Variants in CDH16 observed in about 807,000 individuals in gnomAD.
The protein encoded by CDH16 is cadherin-16.
Under a neutral mutation model 87.6 loss-of-function variants are expected in CDH16, and 79 were observed. The observed-to-expected ratio is 0.90, with a 90% CI of 0.75 to 1.09. The LOEUF (loss-of-function observed/expected upper bound fraction) is 1.09. Among genes scored for constraint, CDH16 ranks in the 50% least tolerant of loss-of-function variants. The pLI, the probability that CDH16 is intolerant of heterozygous loss-of-function variation, is 0.00. For missense variants in CDH16, 1,124 were observed against 1,071.7 expected (o/e 1.05, Z -0.68); for synonymous variants, 457 against 439.5 (o/e 1.04, Z -0.50).
chr16:66,918,547 C>A (rs1411072969), intron 1 of CDH16, among the ~76,000 whole-genome samples: 1 of 152,220 alleles, frequency 6.6e-6, no homozygotes, highest in African/African-American at 2.4e-5. Context: ...TAGCTCAGGG[C>A]CTCTGGGACT....
Position 66,916,318 on chromosome 16 carries a change from T to A in CDH16, c.241A>T (p.Thr81Ser). 2 of 1,614,090 alleles carry A rather than the reference T, an allele frequency of 1.2e-6. No homozygotes were observed. The highest frequency in any genetic ancestry group is 1.7e-6 in the Non-Finnish European group (2 of 1,179,948). The change falls in exon 4 of 18, where the codon ACC becomes TCC. Residue 81 changes from threonine (T) to serine (S), a missense_variant. Coordinates refer to ENST00000299752, the MANE Select transcript of CDH16 (RefSeq NM_004062.4). The surrounding 1 kb of genome is among the most constrained non-coding windows in gnomAD (Gnocchi z 4.1). Reference protein sequence around the residue: ...MDPDSGFLLVTRALDREEQAE... With the variant: ...MDPDSGFLLVSRALDREEQAE... ...TGCTCCTCTCGGTCCAGGGCCCTGGTCACCAGCAGGAAGCCAGAATCTGGA... is the reference window on the plus strand; with the variant it reads ...TGCTCCTCTCGGTCCAGGGCCCTGGACACCAGCAGGAAGCCAGAATCTGGA...
In CDH16 at chr16:66,912,643, G is replaced by T. The variant is rs1962482524; in HGVS notation, c.1282+21C>A. The stretch of plus-strand genomic sequence containing the variant: ...GGAACAGAGGGGACAGGGGGCCTGG[G>T]TCACCAATCAGGGCACTTACCACCC... On this transcript the variant is annotated intron_variant, in intron 10 of 17. Coordinates refer to ENST00000299752, the MANE Select transcript of CDH16 (RefSeq NM_004062.4). 6 of 1,613,982 alleles carry T rather than the reference G, an allele frequency of 3.7e-6. No homozygotes were observed. In the East Asian group the frequency reaches 8.9e-5, roughly 24 times the overall value.
In CDH16 at chr16:66,912,232, A is replaced by C. The variant is rs1181115811; in HGVS notation, c.1548+10T>G. 4 of 1,602,978 alleles carry C rather than the reference A, an allele frequency of 2.5e-6. No individual in the cohort carries two copies. Among genetic ancestry groups the C allele is most frequent in the African/African-American group, 1.3e-5 (1 of 74,710 alleles). On this transcript the variant is annotated intron_variant, in intron 12 of 17. Coordinates refer to ENST00000299752, the MANE Select transcript of CDH16 (RefSeq NM_004062.4). ...GTGTGGGCCCCTTTCCCAGCTACCC[A>C]GGCCCTCACCTTGCAGAGTCTGAGT...
chr16:66,911,264 G>C lies in CDH16; in HGVS notation c.1842C>G (p.Ser614=). ...GGGACTGGGCGGTGTGCACCTCCCC[G>C]GAGAATTTCTCAATGCAGAGCCAGC... is the stretch of plus-strand genomic sequence containing the variant. ...SEGWLCIEKF[S]GEVHTAQSLQ... Residue 614 remains serine, a synonymous_variant, in exon 14 of 18, where the codon TCC becomes TCG. Transcript: ENST00000299752. 1 of 1,613,484 alleles carries C rather than the reference G, an allele frequency of 6.2e-7. No homozygotes were observed. The highest frequency in any genetic ancestry group is 8.5e-7 in the Non-Finnish European group (1 of 1,179,744).
In CDH16 at chr16:66,911,297, G is replaced by A; in HGVS notation, c.1809C>T (p.Asp603=). ...TCTCAATGCAGAGCCAGCCCTCTGAGTCATTGACTAGGGAGAACCTGCCGC... is the reference window on the plus strand; with the variant it reads ...TCTCAATGCAGAGCCAGCCCTCTGAATCATTGACTAGGGAGAACCTGCCGC... The part of the protein sequence containing the change: ...SRTLRFSLVN[D]SEGWLCIEKF... The change falls in exon 14 of 18, where the codon GAC becomes GAT. Residue 603 remains aspartate (D), a synonymous_variant. Transcript: ENST00000299752. The A allele has an allele frequency of 6.2e-7, 1 of 1,613,512 alleles. No individual in the cohort carries two copies. Among genetic ancestry groups the A allele is most frequent in the Non-Finnish European group, 8.5e-7 (1 of 1,179,744 alleles).
chr16:66,911,823 C>T, intron 13 of CDH16, 76 bp downstream of exon 13: 2 of 1,475,076 alleles, frequency 1.4e-6, no homozygotes, highest in Non-Finnish European at 1.8e-6. Flanking sequence ...AATGTGAGTC[C>T]CCTCTGAGGC....
At chr16:66,917,806 G>A (rs1352157318) in intron 2 of CDH16, 81 bp from the exon 3 acceptor site, 40 of 1,288,184 alleles carry the variant, frequency 3.1e-5, no homozygotes, top group Admixed American at 1.5e-4. Flanking sequence ...CGGAATTTCC[G>A]CCCCTTCCCA....
rs1180560562 is a variant in CDH16, at chr16:66,908,169, G to T, written c.*223C>A. ...CCAGTTCTCTGGGGCTTTATTATTG[G>T]GCAAACACCCTGACATTTGGAGCAC... On this transcript the variant is annotated 3_prime_UTR_variant, in exon 18 of 18. Coordinates refer to ENST00000299752, the MANE Select transcript of CDH16 (RefSeq NM_004062.4). 7.0e-6 allele frequency: 4 copies of T among 571,120 alleles called. No homozygotes were observed. Among genetic ancestry groups the T allele is most frequent in the Non-Finnish European group, 1.3e-5 (4 of 319,552 alleles). 35.4% of individuals were successfully genotyped at this position (571,120 alleles called of 1,614,324 possible). A position where few individuals can be genotyped will look rare whatever the true frequency, so the allele number is the denominator to read the frequency against.
rs778175613 is a variant in CDH16, at chr16:66,912,284, A to G, written c.1506T>C (p.Asp502=). ...TAACATGCCCAGAGTCTGGCTCCCA[A>G]TCCAGGCCAAAAGTCCCTTCTGTGT... is the stretch of plus-strand genomic sequence containing the variant. ...RGDTEGTFGL[D]WEPDSGHVRL... is the part of the protein sequence containing the mutation. The change falls in exon 12 of 18, where the codon GAT becomes GAC. Residue 502 remains aspartate (D), a synonymous_variant. Coordinates refer to ENST00000299752, the MANE Select transcript of CDH16 (RefSeq NM_004062.4). 1 of 1,613,716 alleles carries G rather than the reference A, an allele frequency of 6.2e-7. No individual in the cohort carries two copies. Among genetic ancestry groups the G allele is most frequent in the Non-Finnish European group, 8.5e-7 (1 of 1,179,760 alleles).
rs778663071 is a variant in CDH16 at position 66,916,088 on chromosome 16, C to T, written c.401G>A (p.Arg134Gln). Residue 134 changes from arginine (R) to glutamine (Q), a missense_variant, in exon 5 of 18, where the codon CGG becomes CAG. Transcript: ENST00000299752. This position sits in a 1 kb window ranked among gnomAD's most constrained non-coding sequence, Gnocchi z 4.1. Reference sequence around the variant, plus strand: ...ACCAGGCCTGGTACCCCGGCTCAGCCGAGCTCTGTAGATGGCTTGAGAGAA... The same window carrying T: ...ACCAGGCCTGGTACCCCGGCTCAGCTGAGCTCTGTAGATGGCTTGAGAGAA... ...PHFSQAIYRA[R>Q]LSRGTRPGIP... The T allele has an allele frequency of 2.7e-5, 44 of 1,614,090 alleles. No individual in the cohort carries two copies. The highest frequency in any genetic ancestry group is 8.9e-5 in the East Asian group (4 of 44,894).
rs1035883027 is a variant in CDH16, at chr16:66,911,409, C to T, written c.1791-94G>A. 79 of 1,319,180 alleles carry T rather than the reference C, an allele frequency of 6.0e-5. 2 individuals are homozygous for T. In the South Asian group the frequency reaches 9.7e-4, roughly 16 times the overall value. The allele number at this position is 1,319,180 out of a possible 1,614,324, so 81.7% of individuals were successfully genotyped here. A position where few individuals can be genotyped will look rare whatever the true frequency, so the allele number is the denominator to read the frequency against. On this transcript the variant is annotated intron_variant, in intron 13 of 17. Coordinates refer to ENST00000299752, the MANE Select transcript of CDH16 (RefSeq NM_004062.4). ...GGCTGTGTGACTTGCTTAAATTCCA[C>T]ACCCTCTCTGTGACTCAGGGGCCAC...
In CDH16 at chr16:66,909,496, T is replaced by C; in HGVS notation, c.2276-113A>G. The C allele has an allele frequency of 5.6e-6, 4 of 708,316 alleles. No homozygotes were observed. Among genetic ancestry groups the C allele is most frequent in the East Asian group, 5.4e-5 (2 of 36,918 alleles). 43.9% of individuals were successfully genotyped at this position (708,316 alleles called of 1,614,324 possible). ...GTGTGTGTTTCTGCACATGTGTGTA[T>C]TCACATGTGTGTGAAGATATATGCG... On this transcript the variant is annotated intron_variant, in intron 16 of 17. Coordinates refer to ENST00000299752, the MANE Select transcript of CDH16 (RefSeq NM_004062.4). The surrounding 1 kb of genome is among the most constrained non-coding windows in gnomAD (Gnocchi z 4.1).
At chr16:66,910,156 C>G (rs1444745668) in intron 15 of CDH16, 63 bp from the exon 16 acceptor site, 1 of 1,561,488 alleles carries the variant, frequency 6.4e-7, no homozygotes, top group South Asian at 1.2e-5. Context: ...GGGGCTGCTC[C>G]CCCTAGGCCT....
rs1301953509 is a variant in CDH16 at position 66,913,230 on chromosome 16, G to A, written c.955C>T (p.Pro319Ser). Residue 319 changes from proline (P) to serine (S), a missense_variant, in exon 9 of 18, where the codon CCT (proline) becomes TCT (serine). By Grantham distance (74) the Pro-to-Ser change is moderately conservative (BLOSUM62 -1). Coordinates refer to ENST00000299752, the MANE Select transcript of CDH16 (RefSeq NM_004062.4). Reference sequence around the variant, plus strand: ...ATCACCAGCACGTGCAGCTCCAGAGGGGCCGCATAGTCCTCGCCATGGGAA... The same window carrying A: ...ATCACCAGCACGTGCAGCTCCAGAGAGGCCGCATAGTCCTCGCCATGGGAA... ...QNSHGEDYAA[P>S]LELHVLVMDE... 6.3e-7 allele frequency: 1 copy of A among 1,586,502 alleles called. No homozygotes were observed. Among genetic ancestry groups the A allele is most frequent in the Non-Finnish European group, 8.6e-7 (1 of 1,166,818 alleles).
At position 66,912,532 on chromosome 16, in the gene CDH16, T is replaced by A; in HGVS notation, c.1331A>T (p.Asp444Val). 6.2e-7 allele frequency: 1 copy of A among 1,614,164 alleles called. No individual in the cohort carries two copies. Among genetic ancestry groups the A allele is most frequent in the Non-Finnish European group, 8.5e-7 (1 of 1,180,020 alleles). ...EVEVAVTDIN[D>V]HAPEFITSQI... ...GGAAGTGATGAACTCAGGGGCGTGA[T>A]CATTGATATCTGTGACTGCGACTTC... Residue 444 changes from aspartate (D) to valine (V), a missense_variant, in exon 11 of 18, where the codon GAT becomes GTT. Physicochemically the swap from Asp to Val is radical, Grantham distance 152. Coordinates refer to ENST00000299752, the MANE Select transcript of CDH16 (RefSeq NM_004062.4).
rs1236798600 is a variant in CDH16, at chr16:66,912,067, G to A, written c.1622C>T (p.Pro541Leu). 1.2e-6 allele frequency: 2 copies of A among 1,614,044 alleles called. No homozygotes were observed. Among genetic ancestry groups the A allele is most frequent in the Non-Finnish European group, 1.7e-6 (2 of 1,180,002 alleles). The change falls in exon 13 of 18, where the codon CCA (proline) becomes CTA (leucine). Residue 541 changes from proline (P) to leucine (L), a missense_variant. Pro to Leu is a moderately conservative substitution (Grantham distance 98). Transcript: ENST00000299752. The part of the protein sequence containing the change: ...VVQSVAKLVG[P>L]GPGPGATATV... Reference sequence around the variant, plus strand: ...GGCGGTGGCTCCAGGGCCTGGGCCTGGCCCCACCAGCTTCGCCACACTCTG... The same window carrying A: ...GGCGGTGGCTCCAGGGCCTGGGCCTAGCCCCACCAGCTTCGCCACACTCTG...
At chr16:66,914,096 G>A (rs1962564655) in intron 7 of CDH16, 120 bp downstream of exon 7, 1 of 815,994 alleles carries the variant, frequency 1.2e-6, no homozygotes, top group Non-Finnish European at 2.0e-6. Flanking sequence ...GTAATGGGAA[G>A]AGTGGAGGGA....
intron 7 of CDH16, 102 bp downstream of exon 7, chr16:66,914,114 G>A (rs530200967): frequency 1.4e-5 from 14 of 972,248 alleles, no homozygotes; most frequent in African/African-American, 4.8e-5. Context: ...GGAGGAGCAC[G>A]GGTCATGAGG....
intron 10 of CDH16, 26 bp downstream of exon 10, chr16:66,912,638 C>A: frequency 6.2e-7 from 1 of 1,613,876 alleles, no homozygotes; most frequent in Non-Finnish European, 8.5e-7. Flanking sequence ...GGACAGGGGG[C>A]CTGGGTCACC....
Sources: allele counts gnomAD v4.1 joint callset (sites outside exome capture counted in the v4.1 genomes callset), GRCh38; gene constraint gnomAD v4.1.1; non-coding constraint Gnocchi (gnomAD v3.1); transcripts MANE v1.5; gene names NCBI Gene and HGNC (gene_info 2026-07-23, HGNC 2026-07-21).